The following PDE4C variants were observed in gnomAD, a reference collection of about 807,000 sequenced individuals.
PDE4C encodes the protein 3',5'-cyclic-AMP phosphodiesterase 4C.
In PDE4C, 50 loss-of-function variants were observed where a neutral mutation model predicts 63.9. The observed-to-expected ratio is 0.78, with a 90% CI of 0.62 to 0.99. The LOEUF is 0.99. Ranked by LOEUF, PDE4C falls within the 50% of genes least tolerant of loss-of-function variation. PDE4C has a pLI of 0.00. For missense variants in PDE4C, 777 were observed against 899.1 expected (o/e 0.86, Z 1.74); for synonymous variants, 377 against 385.1 (o/e 0.98, Z 0.25).
At chr19:18,227,462 G>A (rs951717116), upstream of PDE4C, among the ~76,000 whole-genome samples, 22 of 152,244 alleles carry the variant, frequency 1.4e-4, no homozygotes, top group Middle Eastern at 3.4e-3. Context: ...TCTGTCCTGC[G>A]AAACCTCAGC....
upstream of PDE4C, among the ~76,000 whole-genome samples, chr19:18,238,394 C>A (rs1968988129): frequency 6.6e-6 from 1 of 151,684 alleles, no homozygotes; most frequent in African/African-American, 2.4e-5. Flanking sequence ...CACCACCACG[C>A]CTGGCTAATT....
chr19:18,229,651 T>A (rs1194898959), upstream of PDE4C, among the ~76,000 whole-genome samples: 1 of 152,056 alleles, frequency 6.6e-6, no homozygotes, highest in Non-Finnish European at 1.5e-5. Context: ...TTTTTTTAAA[T>A]GGGTGTTTTT....
chr19:18,243,881 G>A (rs1379331594), intron 1 of PDE4C, among the ~76,000 whole-genome samples: 1 of 151,922 alleles, frequency 6.6e-6, no homozygotes, highest in Non-Finnish European at 1.5e-5. Flanking sequence ...TTGAGACAAA[G>A]TCTCACTCTG....
At chr19:18,208,447 G>A (rs2147991243), downstream of PDE4C, 1 of 152,264 alleles carries the variant, frequency 6.6e-6, no homozygotes, top group South Asian at 2.1e-4. Flanking sequence ...GGACCATCAG[G>A]GCTGGAGGAT....
At chr19:18,236,105 G>A (rs1438727919), upstream of PDE4C, among the ~76,000 whole-genome samples, 1 of 151,354 alleles carries the variant, frequency 6.6e-6, no homozygotes, top group Non-Finnish European at 1.5e-5. Context: ...ACTACGCCTG[G>A]CTAATTTTTT....
At chr19:18,247,306 T>C (rs1969149489) in intron 1 of PDE4C, among the ~76,000 whole-genome samples, 1 of 152,012 alleles carries the variant, frequency 6.6e-6, no homozygotes, top group Non-Finnish European at 1.5e-5. Flanking sequence ...CTTTTTTTTT[T>C]GGTGGTGGGG....
chr19:18,227,749 C>G (rs895304312), upstream of PDE4C, among the ~76,000 whole-genome samples: 3 of 152,226 alleles, frequency 2.0e-5, no homozygotes, highest in Non-Finnish European at 4.4e-5. Flanking sequence ...ACCTCTGTCT[C>G]TCAGCCTGGG....
chr19:18,242,134 G>A (rs774426422), intron 1 of PDE4C, among the ~76,000 whole-genome samples: 1 of 152,118 alleles, frequency 6.6e-6, no homozygotes, highest in African/African-American at 2.4e-5. Flanking sequence ...AGAAGGAACA[G>A]CACCTGCGAA....
chr19:18,210,902 G>C, exon 15 of PDE4C: 1 of 1,556,016 alleles, frequency 6.4e-7, no homozygotes, highest in Non-Finnish European at 8.7e-7. Flanking sequence ...ACCATCCATT[G>C]CCCCTGCAGT....
exon 14 of PDE4C, chr19:18,211,854 C>A: frequency 6.2e-7 from 1 of 1,614,232 alleles, no homozygotes; most frequent in East Asian, 2.2e-5. Context: ...AAGAACTCGG[C>A]CATGATGCGG....
At chr19:18,250,343 G>T, upstream of PDE4C, 1 of 399,080 alleles carries the variant, frequency 2.5e-6, no homozygotes, top group Non-Finnish European at 4.4e-6. Flanking sequence ...CTCAAACTTG[G>T]ACTCATTCCG....
chr19:18,219,713 A>C, intron 7 of PDE4C: 1 of 268,826 alleles, frequency 3.7e-6, no homozygotes, highest in Non-Finnish European at 7.1e-6. Context: ...AACCCCAGCT[A>C]CTCAGGAGGC....
intron 1 of PDE4C, among the ~76,000 whole-genome samples, chr19:18,224,970 C>T (rs766744358): frequency 7.1e-4 from 108 of 152,334 alleles, no homozygotes; most frequent in South Asian, 1.2e-3. Context: ...TCCAGAAAAG[C>T]GCGTCTGTGG....
upstream of PDE4C, chr19:18,252,430 T>G: frequency 2.5e-6 from 1 of 399,060 alleles, no homozygotes; most frequent in Non-Finnish European, 4.4e-6. Flanking sequence ...ATCAGAGAGC[T>G]GACAGGTGAT....
chr19:18,231,261 C>A (rs1461708639), upstream of PDE4C, among the ~76,000 whole-genome samples: 2 of 152,216 alleles, frequency 1.3e-5, no homozygotes, highest in Non-Finnish European at 2.9e-5. Flanking sequence ...GCAGCGCATA[C>A]GATGCGCAGA....
intron 1 of PDE4C, among the ~76,000 whole-genome samples, chr19:18,243,292 G>A (rs888008588): frequency 5.9e-5 from 9 of 152,010 alleles, no homozygotes; most frequent in African/African-American, 2.2e-4. Context: ...TTTTTTAGTA[G>A]AGACAGGATT....
chr19:18,254,232 T>C, the PDE4C span, among the ~76,000 whole-genome samples: 1 of 152,152 alleles, frequency 6.6e-6, no homozygotes, highest in Non-Finnish European at 1.5e-5. Flanking sequence ...TGTCCTCTGT[T>C]TCTGCTGAAA....
intron 1 of PDE4C, among the ~76,000 whole-genome samples, chr19:18,231,645 C>A (rs971501156): frequency 6.6e-6 from 1 of 152,088 alleles, no homozygotes; most frequent in Admixed American, 6.5e-5. Flanking sequence ...AGCTCCAGAG[C>A]AGGGAAGTAA....
chr19:18,241,559 G>A (rs536191253), intron 1 of PDE4C, among the ~76,000 whole-genome samples: 10 of 151,314 alleles, frequency 6.6e-5, no homozygotes, highest in Admixed American at 1.3e-4. Context: ...GAGCCACCGC[G>A]CCCGGCCAAG....
Sources: gnomAD v4.1 joint callset for allele counts (sites outside exome capture counted in the v4.1 genomes callset) on GRCh38, gnomAD v4.1.1 for gene constraint, MANE v1.5 for transcripts, NCBI Gene and HGNC (gene_info 2026-07-23, HGNC 2026-07-21) for gene names.